The following CFAP61 variants were observed in gnomAD, a reference collection of about 807,000 sequenced individuals.
The protein encoded by CFAP61 is cilia- and flagella-associated protein 61.
A neutral mutation model predicts 135.6 loss-of-function variants in CFAP61; 107 were observed. The observed-to-expected ratio is 0.79, with a 90% CI of 0.67 to 0.93. The LOEUF is 0.93. Among genes scored for constraint, CFAP61 ranks in the 40% least tolerant of loss-of-function variants. The probability of loss-of-function intolerance (pLI) is 0.00; values close to 1 mark genes in which losing one functional copy is unlikely to be tolerated. For missense variants in CFAP61, 1,507 were observed against 1,556.2 expected (o/e 0.97, Z 0.53); for synonymous variants, 575 against 578.5 (o/e 0.99, Z 0.09).
chr20:20,311,429 A>G (rs888441617), intron 25 of CFAP61, among the ~76,000 whole-genome samples: 19 of 152,236 alleles, frequency 1.2e-4, no homozygotes, highest in African/African-American at 3.1e-4. Flanking sequence ...ACATCAGGCA[A>G]TGAAGGACTG....
chr20:20,154,703 A>G (rs2146784212), intron 9 of CFAP61, among the ~76,000 whole-genome samples: 1 of 152,258 alleles, frequency 6.6e-6, no homozygotes, highest in African/African-American at 2.4e-5. Context: ...AAAACCTAGG[A>G]ATATACTTAA....
At chr20:20,148,665 TC>T (rs2052122783) in intron 9 of CFAP61, among the ~76,000 whole-genome samples, 1 of 152,224 alleles carries the variant, frequency 6.6e-6, no homozygotes, top group Non-Finnish European at 1.5e-5. Context: ...GCTTATCAGA[TC>T]TAAGAGCTTT....
At chr20:20,246,428 T>G (rs1010607154) in intron 19 of CFAP61, among the ~76,000 whole-genome samples, 1 of 152,196 alleles carries the variant, frequency 6.6e-6, no homozygotes, top group Non-Finnish European at 1.5e-5. Context: ...TTTCTATCCG[T>G]GGGAAGACAT....
intron 13 of CFAP61, among the ~76,000 whole-genome samples, chr20:20,171,279 C>T (rs1354795348): frequency 6.6e-6 from 1 of 152,176 alleles, no homozygotes; most frequent in Non-Finnish European, 1.5e-5. Flanking sequence ...TGCAGTAGTC[C>T]AGACAAGAGC....
chr20:20,358,621 G>A (rs941332147), intron 26 of CFAP61, among the ~76,000 whole-genome samples: 1 of 152,176 alleles, frequency 6.6e-6, no homozygotes, highest in African/African-American at 2.4e-5. Flanking sequence ...GTGAGAATCA[G>A]TTGCTTTTTC....
chr20:20,288,499 T>G, intron 22 of CFAP61, 110 bp from the exon 23 acceptor site: 1 of 795,540 alleles, frequency 1.3e-6, no homozygotes, highest in South Asian at 1.6e-5. Flanking sequence ...ACTTTTAGTA[T>G]GTGTATTTTT....
At chr20:20,323,853 A>G (rs2057644834) in intron 25 of CFAP61, among the ~76,000 whole-genome samples, 1 of 152,154 alleles carries the variant, frequency 6.6e-6, no homozygotes, top group Non-Finnish European at 1.5e-5. Context: ...TATAAACAAT[A>G]TTTCACGTGC....
At chr20:20,304,147 G>A (rs1048682933) in intron 25 of CFAP61, among the ~76,000 whole-genome samples, 1 of 152,166 alleles carries the variant, frequency 6.6e-6, no homozygotes. Context: ...ACCACAGTAA[G>A]CGAAGTGTCT....
At chr20:20,275,472 G>A (rs1004642143) in intron 21 of CFAP61, among the ~76,000 whole-genome samples, 1 of 152,132 alleles carries the variant, frequency 6.6e-6, no homozygotes, top group Non-Finnish European at 1.5e-5. Context: ...TATTACCTTT[G>A]GAATTGAAAA....
At chr20:20,067,200 TAC>T (rs2045337468) in intron 2 of CFAP61, among the ~76,000 whole-genome samples, 1 of 152,074 alleles carries the variant, frequency 6.6e-6, no homozygotes, top group Non-Finnish European at 1.5e-5. Flanking sequence ...TGGTGTGACA[TAC>T]GTGTGTATGT....
intron 13 of CFAP61, among the ~76,000 whole-genome samples, chr20:20,181,203 A>G (rs560027636): frequency 2.1e-3 from 287 of 138,302 alleles, no homozygotes; most frequent in African/African-American, 7.2e-3. Context: ...ATGTATATAT[A>G]TGTATATATA....
intron 25 of CFAP61, among the ~76,000 whole-genome samples, chr20:20,328,107 T>C (rs6112866): frequency 0.19 from 28,680 of 152,062 alleles, 3,426 homozygotes; most frequent in African/African-American, 0.32. Context: ...GTTTGAGGAA[T>C]AAAAAGAAGG....
intron 2 of CFAP61, among the ~76,000 whole-genome samples, chr20:20,068,221 C>T (rs6081864): frequency 0.055 from 8,309 of 152,264 alleles, 269 homozygotes; most frequent in East Asian, 0.11. Context: ...TCCTCCCTAC[C>T]ATCACCACTA....
intron 9 of CFAP61, among the ~76,000 whole-genome samples, chr20:20,156,163 TA>T (rs1258102860): frequency 6.6e-6 from 1 of 151,918 alleles, no homozygotes; most frequent in Admixed American, 6.6e-5. Context: ...AATATTGAAA[TA>T]AAAAAATTTA....
chr20:20,201,641 G>C (rs995621706), intron 17 of CFAP61, among the ~76,000 whole-genome samples: 1 of 152,196 alleles, frequency 6.6e-6, no homozygotes, highest in South Asian at 2.1e-4. Context: ...GTCAGAGACA[G>C]TGGCTACATG....
intron 11 of CFAP61, among the ~76,000 whole-genome samples, chr20:20,165,472 G>C (rs1470239197): frequency 1.3e-5 from 2 of 151,498 alleles, no homozygotes; most frequent in African/African-American, 4.9e-5. Context: ...GCTGGGCTTT[G>C]TCTAAAGCCC....
intron 25 of CFAP61, among the ~76,000 whole-genome samples, chr20:20,330,375 C>A (rs2057936684): frequency 6.6e-6 from 1 of 152,072 alleles, no homozygotes. Context: ...CTCACTCTGT[C>A]ACCCAGACTG....
At chr20:20,276,459 G>T (rs1444558208) in intron 21 of CFAP61, among the ~76,000 whole-genome samples, 1 of 152,226 alleles carries the variant, frequency 6.6e-6, no homozygotes, top group Admixed American at 6.5e-5. Context: ...AATAGCATAT[G>T]TAATTGCTTC....
chr20:20,325,116 A>C (rs1238589734), intron 25 of CFAP61, among the ~76,000 whole-genome samples: 1 of 152,198 alleles, frequency 6.6e-6, no homozygotes, highest in Non-Finnish European at 1.5e-5. Flanking sequence ...TGTAAGAAGA[A>C]AGTACAGAGC....
Sources: allele counts gnomAD v4.1 joint callset (sites outside exome capture counted in the v4.1 genomes callset), GRCh38; gene constraint gnomAD v4.1.1; transcripts MANE v1.5; gene names NCBI Gene and HGNC (gene_info 2026-07-23, HGNC 2026-07-21).